ZNF521: variants seen among roughly 807,000 people sequenced by gnomAD.
ZNF521 encodes the protein zinc finger protein 521, also known as LYST-interacting protein 3.
ZNF521 carries 14 observed loss-of-function variants against 105.5 expected under a neutral mutation model. That is an observed-to-expected ratio of 0.13 (90% confidence interval 0.09 to 0.21). The LOEUF is 0.21. Ranked by LOEUF, ZNF521 falls within the 10% of genes least tolerant of loss-of-function variation. ZNF521 has a pLI of 1.00. For missense variants in ZNF521, 1,233 were observed against 1,629.7 expected (o/e 0.76, Z 4.19); for synonymous variants, 635 against 606.0 (o/e 1.05, Z -0.70).
At chr18:25,152,833 C>T (rs1446310641) in intron 5 of ZNF521, among the ~76,000 whole-genome samples, 5 of 152,046 alleles carry the variant, frequency 3.3e-5, no homozygotes, top group African/African-American at 9.7e-5. Flanking sequence ...TTTGATACTT[C>T]GCTGGCATTA....
At chr18:25,097,696 C>G (rs2033881677) in intron 5 of ZNF521, among the ~76,000 whole-genome samples, 1 of 152,048 alleles carries the variant, frequency 6.6e-6, no homozygotes. Flanking sequence ...CACAAAGTGC[C>G]TAACCCTTAG....
intron 3 of ZNF521, among the ~76,000 whole-genome samples, chr18:25,277,452 G>T (rs1223754944): frequency 6.6e-6 from 1 of 152,066 alleles, no homozygotes. Flanking sequence ...AATCTAACTT[G>T]GGTTTTTAAG....
chr18:25,092,160 A>T (rs1435113284), intron 5 of ZNF521, 79 bp from the exon 6 acceptor site: 6 of 1,525,988 alleles, frequency 3.9e-6, no homozygotes, highest in Non-Finnish European at 5.4e-6. Flanking sequence ...CTTTAATTGC[A>T]TATATTAAAC....
chr18:25,243,885 C>CA (rs1907521187), intron 3 of ZNF521, among the ~76,000 whole-genome samples: 1 of 152,036 alleles, frequency 6.6e-6, no homozygotes, highest in African/African-American at 2.4e-5. Flanking sequence ...GGGGTTTTCT[C>CA]AATACCAAAA....
At chr18:25,206,161 G>A (rs1469232939) in intron 4 of ZNF521, among the ~76,000 whole-genome samples, 2 of 151,808 alleles carry the variant, frequency 1.3e-5, no homozygotes, top group South Asian at 2.1e-4. Context: ...GAGCTACCTC[G>A]CCCAGCTAAT....
intron 2 of ZNF521, among the ~76,000 whole-genome samples, chr18:25,339,199 G>A (rs1420115962): frequency 2.0e-5 from 3 of 152,164 alleles, no homozygotes; most frequent in Non-Finnish European, 2.9e-5. Flanking sequence ...GAGACACAAA[G>A]AGGCACATAA....
chr18:25,333,029 T>C (rs1244050950), intron 2 of ZNF521, among the ~76,000 whole-genome samples: 1 of 151,952 alleles, frequency 6.6e-6, no homozygotes, highest in African/African-American at 2.4e-5. Context: ...ATTTGTATAG[T>C]ATTTATGTAT....
At chr18:25,066,911 A>T (rs4800620) in intron 7 of ZNF521, among the ~76,000 whole-genome samples, 21,738 of 152,248 alleles carry the variant, frequency 0.14, 1,703 homozygotes, top group East Asian at 0.2. Context: ...CACAGTCCCT[A>T]AAGTACTTTA....
intron 5 of ZNF521, among the ~76,000 whole-genome samples, chr18:25,108,999 T>A (rs1413291033): frequency 6.6e-6 from 1 of 152,170 alleles, no homozygotes; most frequent in Admixed American, 6.5e-5. Flanking sequence ...TGTGCAGGTT[T>A]GTTACATGAA....
At chr18:25,284,991 G>C (rs12373505) in intron 3 of ZNF521, among the ~76,000 whole-genome samples, 52 of 150,850 alleles carry the variant, frequency 3.4e-4, no homozygotes, top group Non-Finnish European at 6.6e-4. Flanking sequence ...TCATTAAAAA[G>C]AGCCCAGCTG....
chr18:25,160,245 G>A (rs181296056), intron 5 of ZNF521, among the ~76,000 whole-genome samples: 15 of 152,270 alleles, frequency 9.9e-5, no homozygotes, highest in African/African-American at 2.2e-4. Context: ...ACTTTTGCCC[G>A]TCAGAGGATA....
At chr18:25,131,954 C>T (rs897762409) in intron 5 of ZNF521, among the ~76,000 whole-genome samples, 7 of 152,252 alleles carry the variant, frequency 4.6e-5, no homozygotes, top group African/African-American at 1.7e-4. Flanking sequence ...TCTACTTTTA[C>T]TCCTGTATGC....
rs762018114 is a variant in ZNF521, at chr18:25,226,984, A to C, written c.934T>G (p.Cys312Gly). ...TGGAAACTCTCAGAACAAATGCTGC[A>C]TGAGTTCTTCTTCTCCCCGCTATGC... ...QVHSGEKKNS[C>G]SICSESFHTV... is the part of the protein sequence containing the mutation. The change falls in exon 4 of 8, where the codon TGC becomes GGC. Residue 312 changes from cysteine to glycine, a missense_variant. This residue lies in a region of ZNF521 where 380 missense variants were observed against 478.0 expected (regional missense o/e 0.80). Transcript: ENST00000361524. The surrounding 1 kb of genome is among the most constrained non-coding windows in gnomAD (Gnocchi z 4.1). 5 of 1,613,926 alleles carry C rather than the reference A, an allele frequency of 3.1e-6. No individual in the cohort carries two copies. The highest frequency in any genetic ancestry group is 2.2e-5 in the East Asian group (1 of 44,858).
Position 25,146,824 on chromosome 18 carries a change from T to C in ZNF521, c.3658+48336A>G, listed in dbSNP as rs908062530. Reference sequence around the variant, plus strand: ...TTCACAATTTATCCTTCTCATATGATTTTTTACCCATGTTTTATTACATTG... The same window carrying C: ...TTCACAATTTATCCTTCTCATATGACTTTTTACCCATGTTTTATTACATTG... On this transcript the variant is annotated intron_variant, in intron 5 of 7. Transcript: ENST00000361524. Among the ~76,000 whole-genome samples, 4 of 152,230 alleles carry C rather than the reference T, an allele frequency of 2.6e-5. No homozygotes were observed. In the East Asian group the frequency reaches 7.7e-4, roughly 29 times the overall value.
intron 3 of ZNF521, among the ~76,000 whole-genome samples, chr18:25,243,853 G>C (rs1463080750): frequency 2.0e-5 from 3 of 152,094 alleles, no homozygotes; most frequent in African/African-American, 4.8e-5. Flanking sequence ...TAAAATTGAG[G>C]ACTTGATGTT....
intron 3 of ZNF521, among the ~76,000 whole-genome samples, chr18:25,297,117 C>T (rs67658021): frequency 0.063 from 9,369 of 148,716 alleles, 426 homozygotes; most frequent in Non-Finnish European, 0.085. Context: ...ATATACATGT[C>T]CCTTTATACA....
intron 5 of ZNF521, among the ~76,000 whole-genome samples, chr18:25,166,865 G>A (rs966239175): frequency 6.6e-6 from 1 of 152,132 alleles, no homozygotes. Context: ...TGCAGTATTT[G>A]ATTTAGTTCG....
Position 25,351,820 on chromosome 18 carries a change from G to A in ZNF521, c.-2+185C>T, listed in dbSNP as rs533727454. 153 of 168,644 alleles carry A rather than the reference G, an allele frequency of 9.1e-4. 7 individuals carry two copies. In the East Asian group the frequency reaches 0.023, roughly 25 times the overall value. The allele number at this position is 168,644 out of a possible 1,614,324, so 10.4% of individuals were successfully genotyped here. A position where few individuals can be genotyped will look rare whatever the true frequency, so the allele number is the denominator to read the frequency against. ...TCGGGGCGCCCCTCTCTGGGCGGGGGCGCGGCGCCGGCGGCTGGCGCTGGA... is the reference window on the plus strand; with the variant it reads ...TCGGGGCGCCCCTCTCTGGGCGGGGACGCGGCGCCGGCGGCTGGCGCTGGA... On this transcript the variant is annotated intron_variant, in intron 1 of 7. Transcript: ENST00000361524.
At chr18:25,181,792 C>T (rs183343761) in intron 5 of ZNF521, among the ~76,000 whole-genome samples, 2 of 152,088 alleles carry the variant, frequency 1.3e-5, no homozygotes, top group Non-Finnish European at 1.5e-5. Context: ...ACACTGGTAC[C>T]GAAAAAGGAA....
Sources: allele counts gnomAD v4.1 joint callset (sites outside exome capture counted in the v4.1 genomes callset), GRCh38; gene constraint gnomAD v4.1.1; regional missense constraint gnomAD v4.1.1; non-coding constraint Gnocchi (gnomAD v3.1); transcripts MANE v1.5; gene names NCBI Gene and HGNC (gene_info 2026-07-23, HGNC 2026-07-21).